The following MMP9 variants were observed in gnomAD, a reference collection of about 807,000 sequenced individuals.
The protein encoded by MMP9 is matrix metalloproteinase-9.
MMP9 carries 73 observed loss-of-function variants against 76.4 expected under a neutral mutation model. That is an observed-to-expected ratio of 0.96 (90% CI 0.79 to 1.16). The LOEUF (loss-of-function observed/expected upper bound fraction) is 1.16. Among genes scored for constraint, MMP9 ranks in the 50% most tolerant of loss-of-function variants. The pLI is 0.00. For missense variants in MMP9, 943 were observed against 973.0 expected (o/e 0.97, Z 0.41); for synonymous variants, 412 against 408.4 (o/e 1.01, Z -0.11).
At position 46,011,581 on chromosome 20, in the gene MMP9, C is replaced by A. The variant is rs1464375443; in HGVS notation, c.831C>A (p.Tyr277Ter). Residue 277 changes from tyrosine (Y) to a stop codon, truncating the protein, a stop_gained, in exon 6 of 13, where the codon TAC (tyrosine) becomes TAA (stop). Coordinates refer to ENST00000372330, the MANE Select transcript of MMP9 (RefSeq NM_004994.3). LOFTEE classifies it high-confidence loss of function. ...ACATCCTCCTCGCCCCAGGACTCTA[C>A]ACCCAGGACGGCAATGCTGATGGGA... ...RFGFCPSERL[Y>*]TQDGNADGKP... 1 of 1,613,820 alleles carries A rather than the reference C, an allele frequency of 6.2e-7. No individual in the cohort carries two copies. Among genetic ancestry groups the A allele is most frequent in the South Asian group, 1.1e-5 (1 of 91,060 alleles).
rs757535139 is a variant in MMP9, at chr20:46,013,752, C to A, written c.1706C>A (p.Ser569Ter). ...KWPALPRKLD[S>*]VFEERLSKKL... ...CCCGCGCTGCCCCGCAAGCTGGACT[C>A]GGTCTTTGAGGAGCGGCTCTCCAAG... The change falls in exon 10 of 13, where the codon TCG (serine) becomes TAG (stop). Residue 569 changes from serine to a stop codon, truncating the protein, a stop_gained. Coordinates refer to ENST00000372330, the MANE Select transcript of MMP9 (RefSeq NM_004994.3). LOFTEE classifies it high-confidence loss of function. The surrounding 1 kb of genome is among the most constrained non-coding windows in gnomAD (Gnocchi z 4.5). 2 of 1,613,668 alleles carry A rather than the reference C, an allele frequency of 1.2e-6. No homozygotes were observed. The highest frequency in any genetic ancestry group is 1.7e-6 in the Non-Finnish European group (2 of 1,180,002).
In MMP9 at chr20:46,013,145, G is replaced by T. The variant is rs984150900; in HGVS notation, c.1331-110G>T. The stretch of plus-strand genomic sequence containing the variant: ...TTTGGGAAGGGAGGCTGAGTGAGGA[G>T]GGGCCTGTGTGCCAGAGGAGGCTTC... On this transcript the variant is annotated intron_variant, in intron 8 of 12. Coordinates refer to ENST00000372330, the MANE Select transcript of MMP9 (RefSeq NM_004994.3). The surrounding 1 kb of genome is among the most constrained non-coding windows in gnomAD (Gnocchi z 4.5). 6 of 1,285,474 alleles carry T rather than the reference G, an allele frequency of 4.7e-6. No individual in the cohort carries two copies. In the Admixed American group the frequency reaches 8.4e-5, roughly 18 times the overall value. The allele number at this position is 1,285,474 out of a possible 1,614,324, so 79.6% of individuals were successfully genotyped here.
At chr20:46,010,802 G>A in intron 3 of MMP9, 120 bp from the exon 4 acceptor site, 1 of 1,581,826 alleles carries the variant, frequency 6.3e-7, no homozygotes, top group South Asian at 1.1e-5. Flanking sequence ...CGCCAGGCTG[G>A]GAGAGCTTCG....
intron 2 of MMP9, 120 bp downstream of exon 2, chr20:46,010,218 C>A: frequency 1.0e-6 from 1 of 988,996 alleles, no homozygotes; most frequent in Non-Finnish European, 1.5e-6. Context: ...AATGTGTGGC[C>A]CCTGGGGAGT....
rs775295226 is a variant in MMP9 at position 46,010,928 on chromosome 20, G to A, written c.527G>A (p.Gly176Glu). 2.5e-6 allele frequency: 4 copies of A among 1,614,252 alleles called. No individual in the cohort carries two copies. In the East Asian group the frequency reaches 8.9e-5, roughly 36 times the overall value. Reference protein sequence around the residue: ...IVIQFGVAEHGDGYPFDGKDG... With the variant: ...IVIQFGVAEHEDGYPFDGKDG... Reference sequence around the variant, plus strand: ...TCTCGACCTGTTTCTTCAGAGCACGGAGACGGGTATCCCTTCGACGGGAAG... The same window carrying A: ...TCTCGACCTGTTTCTTCAGAGCACGAAGACGGGTATCCCTTCGACGGGAAG... The change falls in exon 4 of 13, where the codon GGA (glycine) becomes GAA (glutamate). Residue 176 changes from glycine (G) to glutamate (E), a missense_variant. Coordinates refer to ENST00000372330, the MANE Select transcript of MMP9 (RefSeq NM_004994.3).
intron 2 of MMP9, 135 bp downstream of exon 2, chr20:46,010,233 C>G (rs978709088): frequency 1.0e-5 from 9 of 903,424 alleles, no homozygotes; most frequent in Non-Finnish European, 1.5e-5. Context: ...GGGAGTGTCC[C>G]CACCTCTGAG....
intron 6 of MMP9, 55 bp downstream of exon 6, chr20:46,011,802 C>T: frequency 3.8e-6 from 6 of 1,561,154 alleles, no homozygotes; most frequent in Non-Finnish European, 5.2e-6. Context: ...TGTATTGGCC[C>T]CCAAAACGCG....
Position 46,010,094 on chromosome 20 carries a change from T to C in MMP9, c.367T>C (p.Tyr123His). ...DLKWHHHNIT[Y>H]WIQNYSEDLP... ...CAAGTGGCACCACCACAACATCACC[T>C]ATTGGTGAGCCGGGGCCGTGGGGGC... Residue 123 changes from tyrosine (Y) to histidine (H), a missense_variant, in exon 2 of 13, where the codon TAT (tyrosine) becomes CAT (histidine). Tyr to His is a moderately conservative substitution (Grantham distance 83). Transcript: ENST00000372330. 1.3e-6 allele frequency: 2 copies of C among 1,545,142 alleles called. No homozygotes were observed. Among genetic ancestry groups the C allele is most frequent in the Non-Finnish European group, 1.7e-6 (2 of 1,142,974 alleles).
rs1202157441 is a variant in MMP9 at position 46,014,754 on chromosome 20, A to G, written c.2005+280A>G. 9.6e-6 allele frequency: 5 copies of G among 518,640 alleles called. No individual in the cohort carries two copies. In the East Asian group the frequency reaches 1.4e-4, roughly 14 times the overall value. The allele number at this position is 518,640 out of a possible 1,614,324, so 32.1% of individuals were successfully genotyped here. ...TATGGAAGCTCAGTTATTAGACAACAGTCATCAAGTGCCGATAATGTGCCA... is the reference window on the plus strand; with the variant it reads ...TATGGAAGCTCAGTTATTAGACAACGGTCATCAAGTGCCGATAATGTGCCA... On this transcript the variant is annotated intron_variant, in intron 12 of 12. Coordinates refer to ENST00000372330, the MANE Select transcript of MMP9 (RefSeq NM_004994.3).
chr20:46,010,120 A>C (rs1600574232), intron 2 of MMP9, 22 bp downstream of exon 2: 845 of 1,068,160 alleles, frequency 7.9e-4, no homozygotes, highest in Non-Finnish European at 1.0e-3. Flanking sequence ...CCGTGGGGGC[A>C]GCGGGGTGGG....
At chr20:46,014,337 G>C in intron 11 of MMP9, 34 bp from the exon 12 acceptor site, 1 of 1,543,712 alleles carries the variant, frequency 6.5e-7, no homozygotes. Context: ...CCGCTAGCCG[G>C]CTCAGCACCT....
At chr20:46,014,737 C>G (rs942863741) in intron 12 of MMP9, 4 of 551,312 alleles carry the variant, frequency 7.3e-6, no homozygotes, top group African/African-American at 3.8e-5. Context: ...TGTATGGAAG[C>G]TCAGTTATTA....
chr20:46,013,947 T>G lies in MMP9; in HGVS notation c.1750+151T>G. ...TTTAGCAAACGTAGGGGCGGCTGAGTTTCTGCCCCCTCCTCTCCACGCCCT... is the reference window on the plus strand; with the variant it reads ...TTTAGCAAACGTAGGGGCGGCTGAGGTTCTGCCCCCTCCTCTCCACGCCCT... On this transcript the variant is annotated intron_variant, in intron 10 of 12. Coordinates refer to ENST00000372330, the MANE Select transcript of MMP9 (RefSeq NM_004994.3). This position sits in a 1 kb window ranked among gnomAD's most constrained non-coding sequence, Gnocchi z 4.5. 7.1e-7 allele frequency: 1 copy of G among 1,399,016 alleles called. No homozygotes were observed. The highest frequency in any genetic ancestry group is 2.5e-5 in the East Asian group (1 of 40,020). 86.7% of individuals were successfully genotyped at this position (1,399,016 alleles called of 1,614,324 possible).
At chr20:46,010,330 A>AAAAAACAAAAAAAAAC (rs1555856941) in intron 2 of MMP9, among the ~76,000 whole-genome samples, 153 bp from the exon 3 acceptor site, 1 of 101,928 alleles carries the variant, frequency 9.8e-6, no homozygotes, top group African/African-American at 3.7e-5. Flanking sequence ...ACAAAAAAAA[A>AAAAAACAAAAAAAAAC]AAAAAAAAAA....
rs796972949 is a variant in MMP9 at position 46,010,333 on chromosome 20, A to AAAAAAAAAAAAAAAAAAAAAAAAAAAAAC, written c.372-142_372-141insAAAAAAAAAAAAAAAAAAAACAAAAAAAA. ...GGGTCTAAGTAGACAAAAAAAAAAA[A>AAAAAAAAAAAAAAAAAAAAAAAAAAAAAC]AAAAAAAACAGTCTGGAAGCAATTT... On this transcript the variant is annotated intron_variant, in intron 2 of 12. Coordinates refer to ENST00000372330, the MANE Select transcript of MMP9 (RefSeq NM_004994.3). 280 of 828,676 alleles carry AAAAAAAAAAAAAAAAAAAAAAAAAAAAAC rather than the reference A, an allele frequency of 3.4e-4. 17 individuals are homozygous for AAAAAAAAAAAAAAAAAAAAAAAAAAAAAC. In the African/African-American group the frequency reaches 5.7e-3, roughly 17 times the overall value. 51.3% of individuals were successfully genotyped at this position (828,676 alleles called of 1,614,324 possible). A position where few individuals can be genotyped will look rare whatever the true frequency, so the allele number is the denominator to read the frequency against.
chr20:46,012,144 G>A lies in MMP9; in HGVS notation c.1005G>A (p.Ser335=). ...GGCCTTGGGTCTCTCCAGCTGACTC[G>A]ACGGTGATGGGGGGCAACTCGGCGG... ...LFGFCPTRAD[S]TVMGGNSAGE... is the part of the protein sequence containing the mutation. The change falls in exon 7 of 13, where the codon TCG becomes TCA. Residue 335 remains serine, a synonymous_variant. Transcript: ENST00000372330. The A allele has an allele frequency of 6.2e-7, 1 of 1,614,000 alleles. No homozygotes were observed. Among genetic ancestry groups the A allele is most frequent in the South Asian group, 1.1e-5 (1 of 91,084 alleles).
intron 6 of MMP9, 84 bp from the exon 7 acceptor site, chr20:46,012,053 A>T: frequency 2.6e-6 from 4 of 1,552,840 alleles, no homozygotes; most frequent in African/African-American, 1.4e-5. Flanking sequence ...GGCCACCAAG[A>T]TTGTTTAGCT....
Position 46,009,193 on chromosome 20 carries a change from C to T in MMP9, c.138+129C>T, listed in dbSNP as rs539962305. 107 of 1,063,350 alleles carry T rather than the reference C, an allele frequency of 1.0e-4. 1 individual carries two copies. In the Middle Eastern group the frequency reaches 3.3e-3, roughly 33 times the overall value. 65.9% of individuals were successfully genotyped at this position (1,063,350 alleles called of 1,614,324 possible). ...GGTGGTGATGGGCGTATCTGAAGAA[C>T]AGAGGTGTCCAGGGTTAGGCAGTGG... is the stretch of plus-strand genomic sequence containing the variant. On this transcript the variant is annotated intron_variant, in intron 1 of 12. Transcript: ENST00000372330.
chr20:46,010,765 C>A, intron 3 of MMP9, 134 bp downstream of exon 3: 1 of 1,546,926 alleles, frequency 6.5e-7, no homozygotes. Flanking sequence ...TACGGCCCCT[C>A]CTGCCAGACA....
Sources: gnomAD v4.1 joint callset for allele counts (sites outside exome capture counted in the v4.1 genomes callset) on GRCh38, gnomAD v4.1.1 for gene constraint, Gnocchi (gnomAD v3.1) non-coding constraint, MANE v1.5 for transcripts, NCBI Gene and HGNC (gene_info 2026-07-23, HGNC 2026-07-21) for gene names.